FLACC1: variants seen among roughly 807,000 people sequenced by gnomAD.
FLACC1 encodes the protein flagellum associated containing coiled-coil domains 1, also known as flagellum-associated coiled-coil domain-containing protein 1.
FLACC1 carries 66 observed loss-of-function variants against 62.8 expected under a neutral mutation model. The observed-to-expected ratio is 1.05, with a 90% CI of 0.86 to 1.29. The LOEUF is 1.29. FLACC1 is among the 50% of genes most tolerant of loss of function. The pLI is 0.00. For missense variants in FLACC1, 452 were observed against 489.1 expected (o/e 0.92, Z 0.71); for synonymous variants, 156 against 161.0 (o/e 0.97, Z 0.24).
chr2:201,350,816 C>A, intron 2 of FLACC1, 34 bp from the exon 3 acceptor site: 2 of 1,581,958 alleles, frequency 1.3e-6, no homozygotes, highest in Admixed American at 3.4e-5. Context: ...AAAACAAGAA[C>A]ATTGGAAATT....
chr2:201,352,056 GCTGATA>G (rs1346792197), intron 1 of FLACC1: 2 of 152,244 alleles, frequency 1.3e-5, no homozygotes, highest in Admixed American at 1.3e-4. Flanking sequence ...TTATTGTTAT[GCTGATA>G]CTATAGATGA....
At chr2:201,298,532 G>C (rs1233732763) in intron 12 of FLACC1, among the ~76,000 whole-genome samples, 1 of 152,164 alleles carries the variant, frequency 6.6e-6, no homozygotes, top group Non-Finnish European at 1.5e-5. Context: ...CATGAAAATA[G>C]TTATTATAAT....
At chr2:201,322,276 G>GA (rs888076773) in intron 9 of FLACC1, among the ~76,000 whole-genome samples, 51 of 141,204 alleles carry the variant, frequency 3.6e-4, no homozygotes, top group African/African-American at 6.7e-4. Context: ...AAAAAAAAAA[G>GA]AAAAAAAAAA....
chr2:201,358,634 G>A (rs548056695), upstream of FLACC1, among the ~76,000 whole-genome samples: 1 of 151,876 alleles, frequency 6.6e-6, no homozygotes, highest in African/African-American at 2.4e-5. Context: ...AGCCGGGATG[G>A]TCTCGATCTC....
Position 201,307,605 on chromosome 2 carries a change from T to C in FLACC1, c.793A>G (p.Lys265Glu), listed in dbSNP as rs1451051239. ...TCTTCTCCTGACTCCATTTCGAATT[T>C]TTTGGTCATCTTTTTTTCTGTGGAA... ...LLQQKKKMTK[K>E]FEMESGEEDK... Residue 265 changes from lysine (K) to glutamate (E), a missense_variant, in exon 11 of 15, where the codon AAA becomes GAA. Coordinates refer to ENST00000392257, the MANE Select transcript of FLACC1 (RefSeq NM_001127391.3). 1 of 1,614,008 alleles carries C rather than the reference T, an allele frequency of 6.2e-7. No individual in the cohort carries two copies. Among genetic ancestry groups the C allele is most frequent in the African/African-American group, 1.3e-5 (1 of 75,064 alleles).
At chr2:201,362,315 G>GT (rs1342288876), upstream of FLACC1, among the ~76,000 whole-genome samples, 1 of 150,074 alleles carries the variant, frequency 6.7e-6, no homozygotes, top group South Asian at 2.1e-4. Context: ...TGGATACTGA[G>GT]TTTTTTTAAA....
At chr2:201,324,156 G>T (rs1181689365) in intron 9 of FLACC1, among the ~76,000 whole-genome samples, 2 of 152,106 alleles carry the variant, frequency 1.3e-5, no homozygotes, top group Non-Finnish European at 2.9e-5. Context: ...AGGGAAAAGG[G>T]TGGAAAAAGA....
intron 11 of FLACC1, among the ~76,000 whole-genome samples, chr2:201,304,702 C>T (rs1195654512): frequency 6.6e-6 from 1 of 152,112 alleles, no homozygotes; most frequent in African/African-American, 2.4e-5. Flanking sequence ...GCTACAGTAA[C>T]CAAAACAGCA....
intron 3 of FLACC1, 65 bp from the exon 4 acceptor site, chr2:201,348,367 T>C: frequency 6.4e-7 from 1 of 1,555,982 alleles, no homozygotes; most frequent in Non-Finnish European, 8.7e-7. Flanking sequence ...GCTTAGGAGC[T>C]GAACCCTGAG....
At chr2:201,303,629 A>C (rs1950037541) in intron 11 of FLACC1, among the ~76,000 whole-genome samples, 2 of 152,364 alleles carry the variant, frequency 1.3e-5, no homozygotes, top group East Asian at 1.9e-4. Context: ...ACAACAAAAA[A>C]AGAGAATTTT....
chr2:201,321,676 A>G (rs1183171922), intron 9 of FLACC1, among the ~76,000 whole-genome samples: 1 of 152,184 alleles, frequency 6.6e-6, no homozygotes, highest in Non-Finnish European at 1.5e-5. Context: ...GAACATCAAA[A>G]TTCCTGCAGA....
chr2:201,302,843 C>T (rs1438291356), intron 11 of FLACC1, among the ~76,000 whole-genome samples: 6 of 152,086 alleles, frequency 3.9e-5, no homozygotes, highest in East Asian at 1.9e-4. Context: ...GGGTACATAA[C>T]AAAATGAAGG....
intron 9 of FLACC1, among the ~76,000 whole-genome samples, chr2:201,319,104 T>C (rs1016190826): frequency 1.3e-5 from 2 of 151,804 alleles, no homozygotes; most frequent in Non-Finnish European, 2.9e-5. Flanking sequence ...AATAAAAAAA[T>C]TTAAAAAAAT....
intron 12 of FLACC1, among the ~76,000 whole-genome samples, chr2:201,294,064 T>C (rs886806941): frequency 2.6e-5 from 4 of 152,168 alleles, no homozygotes; most frequent in African/African-American, 4.8e-5. Flanking sequence ...CAGGACCAGA[T>C]GGATTCACAG....
chr2:201,336,462 T>A (rs1950698007), intron 7 of FLACC1, among the ~76,000 whole-genome samples: 1 of 152,218 alleles, frequency 6.6e-6, no homozygotes. Flanking sequence ...AGTGATGTGA[T>A]GAACAAACGT....
In FLACC1 at chr2:201,323,805, T is replaced by TAAAAAAAAAAA. The variant is rs1576447085; in HGVS notation, c.675+6664_675+6665insTTTTTTTTTTT. 1.2e-3 allele frequency among the ~76,000 whole-genome samples: 93 copies of TAAAAAAAAAAA among 79,118 alleles called. 4 individuals carry two copies. Among genetic ancestry groups the TAAAAAAAAAAA allele is most frequent in the African/African-American group, 2.0e-3 (42 of 21,372 alleles). 51.9% of individuals were successfully genotyped at this position (79,118 alleles called of 152,430 possible). On this transcript the variant is annotated intron_variant, in intron 9 of 14. Coordinates refer to ENST00000392257, the MANE Select transcript of FLACC1 (RefSeq NM_001127391.3). Reference sequence around the variant, plus strand: ...CTATCAAAAAAAAAAAAAAAAAAAGTAAGGAAGGAAGGAAGGAAAGAAAAG... The same window carrying TAAAAAAAAAAA: ...CTATCAAAAAAAAAAAAAAAAAAAGTAAAAAAAAAAAAAGGAAGGAAGGAAGGAAAGAAAAG...
intron 9 of FLACC1, among the ~76,000 whole-genome samples, chr2:201,319,184 T>C (rs1169581353): frequency 1.3e-5 from 2 of 152,120 alleles, no homozygotes; most frequent in East Asian, 1.9e-4. Flanking sequence ...TGGAACAGAA[T>C]AGCAAACTCA....
chr2:201,307,586 C>T lies in FLACC1; in HGVS notation c.812G>A (p.Gly271Glu), dbSNP rs916561175. The T allele has an allele frequency of 1.8e-5, 29 of 1,614,154 alleles. No individual in the cohort carries two copies. Among genetic ancestry groups the T allele is most frequent in the Non-Finnish European group, 2.5e-5 (29 of 1,180,002 alleles). ...TTCATTTATTTTCTTATCTTCTTCT[C>T]CTGACTCCATTTCGAATTTTTTGGT... is the stretch of plus-strand genomic sequence containing the variant. ...KMTKKFEMES[G>E]EEDKKINESC... is the part of the protein sequence containing the mutation. The change falls in exon 11 of 15, where the codon GGA (glycine) becomes GAA (glutamate). Residue 271 changes from glycine to glutamate, a missense_variant. By Grantham distance (98) the Gly-to-Glu change is moderately conservative. This residue lies in a region of FLACC1 where 301 missense variants were observed against 318.4 expected (regional missense o/e 0.95). Transcript: ENST00000392257.
Position 201,307,572 on chromosome 2 carries a change from T to G in FLACC1, c.826A>C (p.Lys276Gln), listed in dbSNP as rs762331576. The change falls in exon 11 of 15, where the codon AAA (lysine) becomes CAA (glutamine). Residue 276 changes from lysine (K) to glutamine (Q), a missense_variant. This residue lies in a region of FLACC1 where 301 missense variants were observed against 318.4 expected (regional missense o/e 0.95). Transcript: ENST00000392257. Reference sequence around the variant, plus strand: ...ACAGCACTGCAGGATTCATTTATTTTCTTATCTTCTTCTCCTGACTCCATT... The same window carrying G: ...ACAGCACTGCAGGATTCATTTATTTGCTTATCTTCTTCTCCTGACTCCATT... ...FEMESGEEDKKINESCSAVFE... is the reference protein window; with the variant it reads ...FEMESGEEDKQINESCSAVFE... The G allele has an allele frequency of 2.5e-6, 4 of 1,614,252 alleles. No individual in the cohort carries two copies. Among genetic ancestry groups the G allele is most frequent in the Non-Finnish European group, 3.4e-6 (4 of 1,180,040 alleles).
Sources: allele counts gnomAD v4.1 joint callset (sites outside exome capture counted in the v4.1 genomes callset), GRCh38; gene constraint gnomAD v4.1.1; regional missense constraint gnomAD v4.1.1; transcripts MANE v1.5; gene names NCBI Gene and HGNC (gene_info 2026-07-23, HGNC 2026-07-21).